Variants in BPIFB4 observed in about 807,000 individuals in gnomAD.
BPIFB4 encodes BPI fold containing family B member 4.
A neutral mutation model predicts 69.2 loss-of-function variants in BPIFB4; 62 were observed. The ratio of observed to expected loss-of-function variants is 0.90; its 90% confidence interval spans 0.73 to 1.11. BPIFB4 has a LOEUF of 1.11. Ranked by LOEUF, BPIFB4 falls within the 50% of genes least tolerant of loss-of-function variation. BPIFB4 has a pLI of 0.00. For missense variants in BPIFB4, 789 were observed against 792.0 expected (o/e 1.00, Z 0.04); for synonymous variants, 330 against 332.7 (o/e 0.99, Z 0.09).
chr20:33,091,730 A>AACAAG (rs1981605609), intron 10 of BPIFB4, among the ~76,000 whole-genome samples: 1 of 152,264 alleles, frequency 6.6e-6, no homozygotes, highest in South Asian at 2.1e-4. Context: ...TACAGTGATG[A>AACAAG]ACAAGACAAA....
At chr20:33,084,857 TG>T (rs767635720) in intron 5 of BPIFB4, 34 bp from the exon 6 acceptor site, 1 of 1,594,768 alleles carries the variant, frequency 6.3e-7, no homozygotes, top group South Asian at 1.1e-5. Context: ...GTAGTTGGGG[TG>T]GCCGGCCTTC....
chr20:33,082,838 G>C (rs1396179779), intron 3 of BPIFB4, 100 bp from the exon 4 acceptor site: 1 of 1,203,034 alleles, frequency 8.3e-7, no homozygotes, highest in African/African-American at 1.5e-5. Flanking sequence ...GGTGGGAAAA[G>C]TGAGGCCCAG....
intron 13 of BPIFB4, among the ~76,000 whole-genome samples, chr20:33,099,788 G>A (rs761930): frequency 0.079 from 11,998 of 152,224 alleles, 524 homozygotes; most frequent in Middle Eastern, 0.12. Flanking sequence ...AGTCATCGTG[G>A]TCATTGTTAT....
In BPIFB4 at chr20:33,111,657, A is replaced by G; in HGVS notation, c.*220A>G. 1 of 590,628 alleles carries G rather than the reference A, an allele frequency of 1.7e-6. No individual in the cohort carries two copies. Among genetic ancestry groups the G allele is most frequent in the South Asian group, 2.2e-5 (1 of 45,758 alleles). 36.6% of individuals were successfully genotyped at this position (590,628 alleles called of 1,614,324 possible). A position where few individuals can be genotyped will look rare whatever the true frequency, so the allele number is the denominator to read the frequency against. On this transcript the variant is annotated 3_prime_UTR_variant, in exon 18 of 18. Transcript: ENST00000375483. ...CTTCCATGGTCAGCCTGCCAGGAGG[A>G]GGGGAGTCACCTTGGGGCTGGAGGC...
Position 33,094,954 on chromosome 20 carries a change from A to G in BPIFB4, c.1345-146A>G, listed in dbSNP as rs886122865. 5.0e-5 allele frequency: 38 copies of G among 759,760 alleles called. No homozygotes were observed. In the African/African-American group the frequency reaches 5.1e-4, roughly 10 times the overall value. The allele number at this position is 759,760 out of a possible 1,614,324, so 47.1% of individuals were successfully genotyped here. A position where few individuals can be genotyped will look rare whatever the true frequency, so the allele number is the denominator to read the frequency against. On this transcript the variant is annotated intron_variant, in intron 11 of 17. Transcript: ENST00000375483. ...TGGTGATGATGGCTGGGTAGGCAGG[A>G]CTTCCCCAGGGGTCTTTCAGGGAGA...
At chr20:33,108,115 A>T (rs1982123529) in intron 17 of BPIFB4, among the ~76,000 whole-genome samples, 1 of 152,130 alleles carries the variant, frequency 6.6e-6, no homozygotes, top group South Asian at 2.1e-4. Flanking sequence ...CCCAAAATGG[A>T]ATGTGGTATA....
At chr20:33,102,914 G>A in intron 14 of BPIFB4, 58 bp from the exon 15 acceptor site, 1 of 1,551,480 alleles carries the variant, frequency 6.4e-7, no homozygotes, top group Non-Finnish European at 8.9e-7. Flanking sequence ...TGCAATGCAA[G>A]AGCCTTATGA....
At chr20:33,082,534 A>G (rs1023189263) in intron 3 of BPIFB4, among the ~76,000 whole-genome samples, 2 of 152,028 alleles carry the variant, frequency 1.3e-5, no homozygotes, top group Non-Finnish European at 2.9e-5. Flanking sequence ...GGGTTTCACC[A>G]TCTTGGCCAG....
rs375427879 is a variant in BPIFB4 at position 33,095,163 on chromosome 20, G to A, written c.1398+10G>A. 23 of 1,601,092 alleles carry A rather than the reference G, an allele frequency of 1.4e-5. No individual in the cohort carries two copies. Among genetic ancestry groups the A allele is most frequent in the African/African-American group, 5.4e-5 (4 of 74,626 alleles). On this transcript the variant is annotated intron_variant, in intron 12 of 17. Transcript: ENST00000375483. ...AGCCCTGATCCCCAAGGTATGTAAG[G>A]TGGGCAGGTCCCATTGCCTTCAGCC...
At chr20:33,089,298 C>T (rs1171305106) in intron 8 of BPIFB4, among the ~76,000 whole-genome samples, 200 bp from the exon 9 acceptor site, 1 of 152,204 alleles carries the variant, frequency 6.6e-6, no homozygotes, top group African/African-American at 2.4e-5. Flanking sequence ...TGCCAAGTTG[C>T]ATCATCTTTC....
intron 16 of BPIFB4, among the ~76,000 whole-genome samples, chr20:33,105,567 G>A (rs1331814685): frequency 6.6e-6 from 1 of 152,168 alleles, no homozygotes; most frequent in African/African-American, 2.4e-5. Flanking sequence ...CTCACATACT[G>A]GGACTGGGAA....
intron 2 of BPIFB4, among the ~76,000 whole-genome samples, chr20:33,080,939 G>T (rs1013932733): frequency 2.0e-5 from 3 of 152,050 alleles, no homozygotes. Context: ...GAGTTGATGA[G>T]TGGATGGATG....
intron 10 of BPIFB4, among the ~76,000 whole-genome samples, chr20:33,091,813 A>C (rs1016980761): frequency 6.6e-6 from 1 of 152,236 alleles, no homozygotes; most frequent in Non-Finnish European, 1.5e-5. Flanking sequence ...CAAATATGCA[A>C]TTCTAAGTCA....
chr20:33,107,238 GAAAGA>G (rs1189126760), intron 16 of BPIFB4, among the ~76,000 whole-genome samples: 22 of 132,536 alleles, frequency 1.7e-4, no homozygotes, highest in African/African-American at 3.1e-4. Flanking sequence ...AGGAAGGAAG[GAAAGA>G]AAAGAAAAGA....
chr20:33,085,070 G>A, intron 6 of BPIFB4, 74 bp downstream of exon 6: 1 of 1,542,696 alleles, frequency 6.5e-7, no homozygotes, highest in Non-Finnish European at 8.7e-7. Context: ...ACAGAGGCTA[G>A]GAAGACCTAA....
rs761921641 is a variant in BPIFB4 at position 33,092,539 on chromosome 20, C to T, written c.1225C>T (p.Leu409=). The change falls in exon 11 of 18, where the codon CTG becomes TTG. Residue 409 remains leucine (L), a synonymous_variant. Coordinates refer to ENST00000375483, the MANE Select transcript of BPIFB4 (RefSeq NM_182519.3). ...TGTGTCTCCCAAGCCGATGCCAGAG[C>T]TGCCTCCCATGGGTGACAACACCAA... ...PAVSPKPMPE[L]PPMGDNTKSQ... The T allele has an allele frequency of 2.5e-6, 4 of 1,614,140 alleles. No individual in the cohort carries two copies. Among genetic ancestry groups the T allele is most frequent in the Non-Finnish European group, 3.4e-6 (4 of 1,180,000 alleles).
chr20:33,097,920 G>T, intron 13 of BPIFB4, 133 bp downstream of exon 13: 2 of 995,300 alleles, frequency 2.0e-6, no homozygotes, highest in Non-Finnish European at 1.4e-6. Flanking sequence ...TTTGGGGCCA[G>T]AGGCTCTAAC....
intron 12 of BPIFB4, 63 bp from the exon 13 acceptor site, chr20:33,097,554 A>G: frequency 6.6e-7 from 1 of 1,519,418 alleles, no homozygotes; most frequent in South Asian, 1.2e-5. Context: ...AGGTTGGCTG[A>G]TAACCCCCTG....
chr20:33,100,379 C>T lies in BPIFB4; in HGVS notation c.1570-47C>T, dbSNP rs377377886. On this transcript the variant is annotated intron_variant, in intron 13 of 17. Coordinates refer to ENST00000375483, the MANE Select transcript of BPIFB4 (RefSeq NM_182519.3). ...ACAATGAGCCTTTGGCAAGCACTGG[C>T]CAAGACATGAAGGCAGTGACGTCTT... 1.9e-5 allele frequency: 28 copies of T among 1,497,236 alleles called. No homozygotes were observed. The African/African-American group carries it at 3.9e-4, about 21-fold the overall frequency. 92.7% of individuals were successfully genotyped at this position (1,497,236 alleles called of 1,614,324 possible).
Sources: allele counts gnomAD v4.1 joint callset (sites outside exome capture counted in the v4.1 genomes callset), GRCh38; gene constraint gnomAD v4.1.1; transcripts MANE v1.5; gene names NCBI Gene and HGNC (gene_info 2026-07-23, HGNC 2026-07-21).